The following ADCY10 variants were observed in gnomAD, a reference collection of about 807,000 sequenced individuals.
ADCY10 encodes adenylate cyclase 10, also known as adenylate cyclase type 10.
A neutral mutation model predicts 183.3 loss-of-function variants in ADCY10; 156 were observed. That is an observed-to-expected ratio of 0.85 (90% CI 0.75 to 0.97). The LOEUF (loss-of-function observed/expected upper bound fraction) is 0.97, where lower values mean the gene tolerates loss of function less well. ADCY10 is among the 50% of genes least tolerant of loss of function. ADCY10 has a pLI of 0.00. For missense variants in ADCY10, 1,745 were observed against 1,934.3 expected, an observed-to-expected ratio of 0.90 and a Z score of 1.84; for synonymous variants, 645 against 670.0, an observed-to-expected ratio of 0.96 and a Z score of 0.58.
chr1:167,823,335 G>A (rs1226268935), intron 28 of ADCY10, among the ~76,000 whole-genome samples: 1 of 146,380 alleles, frequency 6.8e-6, no homozygotes, highest in African/African-American at 2.5e-5. Flanking sequence ...TGAGGCAGGA[G>A]AATCGCTTGA....
intron 13 of ADCY10, among the ~76,000 whole-genome samples, chr1:167,871,137 G>A (rs917823111): frequency 1.3e-5 from 2 of 151,786 alleles, no homozygotes; most frequent in African/African-American, 4.8e-5. Flanking sequence ...ATTACATTAG[G>A]AAATAAATTT....
At chr1:167,885,894 G>A (rs1668189330) in intron 8 of ADCY10, among the ~76,000 whole-genome samples, 1 of 152,202 alleles carries the variant, frequency 6.6e-6, no homozygotes, top group South Asian at 2.1e-4. Flanking sequence ...GATTACAGCT[G>A]TGAGCCACTG....
intron 1 of ADCY10, among the ~76,000 whole-genome samples, chr1:167,910,498 T>C (rs914380635): frequency 2.0e-5 from 3 of 152,090 alleles, no homozygotes; most frequent in African/African-American, 7.2e-5. Flanking sequence ...GGGACATGGG[T>C]GTGTATGCAA....
intron 14 of ADCY10, among the ~76,000 whole-genome samples, chr1:167,865,301 C>T (rs1396681028): frequency 6.6e-6 from 1 of 152,122 alleles, no homozygotes; most frequent in Non-Finnish European, 1.5e-5. Context: ...AAAAAAAATT[C>T]TGTGTGTAAA....
At chr1:167,851,960 A>G (rs1558186972) in intron 18 of ADCY10, among the ~76,000 whole-genome samples, 1 of 152,052 alleles carries the variant, frequency 6.6e-6, no homozygotes, top group African/African-American at 2.4e-5. Context: ...TATCATATTT[A>G]TTTTTTTAAT....
At chr1:167,891,260 C>T (rs1393091397) in intron 8 of ADCY10, among the ~76,000 whole-genome samples, 2 of 151,900 alleles carry the variant, frequency 1.3e-5, no homozygotes, top group East Asian at 3.9e-4. Flanking sequence ...ACGCTTGGCT[C>T]ATCTAACATT....
At chr1:167,884,800 C>T (rs566219759) in intron 8 of ADCY10, among the ~76,000 whole-genome samples, 98 of 150,492 alleles carry the variant, frequency 6.5e-4, no homozygotes, top group African/African-American at 2.2e-3. Context: ...TGGGTTCAAG[C>T]GATTCTCCTG....
In ADCY10 at chr1:167,836,534, T is replaced by C; in HGVS notation, c.3084A>G (p.Glu1028=). The C allele has an allele frequency of 6.3e-7, 1 of 1,588,980 alleles. No individual in the cohort carries two copies. The highest frequency in any genetic ancestry group is 8.6e-7 in the Non-Finnish European group (1 of 1,157,320). ...AATTCAAGATCTTTTCTCTTATTTC[T>C]TCAGGACTGTCCATATGCAGAAATA... is the stretch of plus-strand genomic sequence containing the variant. The part of the protein sequence containing the change: ...SAFFPENRSP[E]EIREKILNFF... The change falls in exon 23 of 33, where the codon GAA becomes GAG. Residue 1028 remains glutamate (E), a synonymous_variant. Transcript: ENST00000367851.
chr1:167,899,279 G>T, intron 6 of ADCY10, 144 bp downstream of exon 6: 1 of 801,382 alleles, frequency 1.2e-6, no homozygotes, highest in Non-Finnish European at 2.1e-6. Context: ...CTGGACTAAA[G>T]CCTCTGTAGC....
At chr1:167,823,981 A>T (rs1663090591) in intron 28 of ADCY10, among the ~76,000 whole-genome samples, 1 of 152,206 alleles carries the variant, frequency 6.6e-6, no homozygotes, top group African/African-American at 2.4e-5. Flanking sequence ...CACTGGCCAG[A>T]GCAACCAGAT....
chr1:167,888,692 C>T (rs1668391576), intron 8 of ADCY10, among the ~76,000 whole-genome samples: 1 of 151,832 alleles, frequency 6.6e-6, no homozygotes, highest in Admixed American at 6.6e-5. Flanking sequence ...CTGGCTAACA[C>T]GGTGAAACCT....
Position 167,846,081 on chromosome 1 carries a change from G to A in ADCY10, c.2620C>T (p.Arg874Trp), listed in dbSNP as rs369190703. ...GCCTTTTGAAGCTCCTTGCCATTCC[G>A]GAAACAATAAAAAATGTTAGATTCC... ...LVESNIFYCF[R>W]NGKELQKALK... is the part of the protein sequence containing the mutation. Residue 874 changes from arginine to tryptophan, a missense_variant, in exon 20 of 33, where the codon CGG (arginine) becomes TGG (tryptophan). Transcript: ENST00000367851. 265 of 1,614,090 alleles carry A rather than the reference G, an allele frequency of 1.6e-4. 4 individuals carry two copies. Among genetic ancestry groups the A allele is most frequent in the South Asian group, 1.3e-3 (116 of 91,080 alleles).
intron 22 of ADCY10, 188 bp downstream of exon 22, chr1:167,837,061 A>G: frequency 1.5e-6 from 1 of 653,100 alleles, no homozygotes; most frequent in Non-Finnish European, 2.7e-6. Flanking sequence ...ATCTTTAAAA[A>G]CAAAAGAGCA....
At chr1:167,900,824 A>C (rs890806870) in intron 5 of ADCY10, among the ~76,000 whole-genome samples, 7 of 152,170 alleles carry the variant, frequency 4.6e-5, no homozygotes, top group Admixed American at 4.6e-4. Flanking sequence ...GAGCCACTGC[A>C]CCTGGCCTTA....
In ADCY10 at chr1:167,896,832, AAAATTGAAATTTT is replaced by A. The variant is rs574111379; in HGVS notation, c.643-154_643-142del. The A allele has an allele frequency of 5.9e-4, 380 of 647,466 alleles. 1 individual carries two copies. The highest frequency in any genetic ancestry group is 8.8e-4 in the Non-Finnish European group (324 of 367,594). 40.1% of individuals were successfully genotyped at this position (647,466 alleles called of 1,614,324 possible). On this transcript the variant is annotated intron_variant, in intron 6 of 32. Transcript: ENST00000367851. Reference sequence around the variant, plus strand: ...TAAACACCAAGACTATTTGATTTGTAAAATTGAAATTTTAAATTGAAAATCTAAAAAATCTTTC... The same window carrying A: ...TAAACACCAAGACTATTTGATTTGTAAAATTGAAAATCTAAAAAATCTTTC...
intron 1 of ADCY10, among the ~76,000 whole-genome samples, chr1:167,913,550 T>A (rs910527061): frequency 1.3e-5 from 2 of 152,236 alleles, no homozygotes; most frequent in Non-Finnish European, 2.9e-5. Context: ...CAAATATCCT[T>A]GATTATCTTT....
intron 30 of ADCY10, chr1:167,820,361 G>GC: frequency 1.5e-6 from 1 of 677,434 alleles, no homozygotes; most frequent in South Asian, 2.2e-5. Context: ...GGCGGGGCCA[G>GC]CCCGCGCCTC....
At position 167,824,723 on chromosome 1, in the gene ADCY10, C is replaced by T. The variant is rs756898890; in HGVS notation, c.3883G>A (p.Val1295Met). ...ACCAGTGTCTCAGCCACGTATGCCACGATTTCAATGCCCTCGCCTTTCAGG... is the reference window on the plus strand; with the variant it reads ...ACCAGTGTCTCAGCCACGTATGCCATGATTTCAATGCCCTCGCCTTTCAGG... ...LPLKGEGIEI[V>M]AYVAETLVFN... The change falls in exon 27 of 33, where the codon GTG becomes ATG. Residue 1295 changes from valine to methionine, a missense_variant. Coordinates refer to ENST00000367851, the MANE Select transcript of ADCY10 (RefSeq NM_018417.6). 3.7e-5 allele frequency: 59 copies of T among 1,614,066 alleles called. No individual in the cohort carries two copies. The highest frequency in any genetic ancestry group is 5.5e-5 in the South Asian group (5 of 91,084).
At chr1:167,851,204 G>T (rs1373667949) in intron 18 of ADCY10, among the ~76,000 whole-genome samples, 1 of 151,496 alleles carries the variant, frequency 6.6e-6, no homozygotes, top group African/African-American at 2.4e-5. Flanking sequence ...TTGTTTTTTT[G>T]AGACAGGGTC....
Sources: gnomAD v4.1 joint callset for allele counts (sites outside exome capture counted in the v4.1 genomes callset) on GRCh38, gnomAD v4.1.1 for gene constraint, MANE v1.5 for transcripts, NCBI Gene and HGNC (gene_info 2026-07-23, HGNC 2026-07-21) for gene names.